Variants in XKR4 observed in about 807,000 individuals in gnomAD.
XKR4 encodes XK-related protein 4.
In XKR4, 12 loss-of-function variants were observed where a neutral mutation model predicts 53.9. The ratio of observed to expected loss-of-function variants is 0.22; its 90% CI spans 0.14 to 0.36. The LOEUF (loss-of-function observed/expected upper bound fraction) is 0.36. XKR4 is among the 10% of genes least tolerant of loss of function. XKR4 has a pLI of 1.00. For missense variants in XKR4, 799 were observed against 859.5 expected, an observed-to-expected ratio of 0.93 and a Z score of 0.88; for synonymous variants, 354 against 362.4, an observed-to-expected ratio of 0.98 and a Z score of 0.26.
rs1168970044 is a variant in XKR4, at chr8:55,529,997, G to A, written c.*5770G>A. ...AGTGATAAATATAAATTAACCTGAT[G>A]CCATGTCTCTTGTATTTTATATGTG... On this transcript the variant is annotated 3_prime_UTR_variant, in exon 3 of 3. Transcript: ENST00000327381. 1 of 152,068 alleles carries A rather than the reference G, an allele frequency of 6.6e-6. No individual in the cohort carries two copies. Among genetic ancestry groups the A allele is most frequent in the African/African-American group, 2.4e-5 (1 of 41,390 alleles). 9.4% of individuals were successfully genotyped at this position (152,068 alleles called of 1,614,324 possible). A position where few individuals can be genotyped will look rare whatever the true frequency, so the allele number is the denominator to read the frequency against.
intron 1 of XKR4, among the ~76,000 whole-genome samples, chr8:55,141,006 T>C (rs1264414230): frequency 6.6e-6 from 1 of 152,174 alleles, no homozygotes; most frequent in Non-Finnish European, 1.5e-5. Flanking sequence ...ATTTAAAGTG[T>C]ACATTTCAGT....
At chr8:55,317,617 C>A (rs1803111144) in intron 1 of XKR4, among the ~76,000 whole-genome samples, 1 of 152,156 alleles carries the variant, frequency 6.6e-6, no homozygotes, top group African/African-American at 2.4e-5. Flanking sequence ...AGCCTTCCAG[C>A]CAGTTGTCAT....
chr8:55,308,122 ATGTGCC>A (rs1169186644), intron 1 of XKR4, among the ~76,000 whole-genome samples: 1 of 151,986 alleles, frequency 6.6e-6, no homozygotes, highest in African/African-American at 2.4e-5. Flanking sequence ...GCATGGTGGC[ATGTGCC>A]TGTAGTCCCA....
At chr8:55,177,513 G>C (rs1170053524) in intron 1 of XKR4, among the ~76,000 whole-genome samples, 1 of 152,106 alleles carries the variant, frequency 6.6e-6, no homozygotes, top group Non-Finnish European at 1.5e-5. Context: ...CTCTTCATAG[G>C]GCTGACCCAT....
At chr8:55,239,639 A>G (rs955041961) in intron 1 of XKR4, among the ~76,000 whole-genome samples, 35 of 152,184 alleles carry the variant, frequency 2.3e-4, no homozygotes, top group African/African-American at 8.4e-4. Context: ...TCTGCCCTGT[A>G]ACTGTTCTCA....
chr8:55,291,879 T>TTTTTTAAAATACC (rs1324860459), intron 1 of XKR4, among the ~76,000 whole-genome samples: 1 of 152,166 alleles, frequency 6.6e-6, no homozygotes, highest in African/African-American at 2.4e-5. Flanking sequence ...TTCTGAGGTA[T>TTTTTTAAAATACC]TTTTTAAAAT....
In XKR4 at chr8:55,535,410, T is replaced by C. The variant is rs1361176076; in HGVS notation, c.*11183T>C. ...CCCCACAACACTCCCCGGTGTGTGATGTTCCCCTTCCTGTGCACGTGACTT... is the reference window on the plus strand; with the variant it reads ...CCCCACAACACTCCCCGGTGTGTGACGTTCCCCTTCCTGTGCACGTGACTT... On this transcript the variant is annotated 3_prime_UTR_variant, in exon 3 of 3. Coordinates refer to ENST00000327381, the MANE Select transcript of XKR4 (RefSeq NM_052898.2). The C allele has an allele frequency of 3.3e-4, 41 of 124,556 alleles. No individual in the cohort carries two copies. Among genetic ancestry groups the C allele is most frequent in the African/African-American group, 1.2e-3 (39 of 32,764 alleles). 7.7% of individuals were successfully genotyped at this position (124,556 alleles called of 1,614,324 possible).
intron 2 of XKR4, among the ~76,000 whole-genome samples, chr8:55,443,040 C>T (rs1278856404): frequency 6.6e-6 from 1 of 152,140 alleles, no homozygotes; most frequent in East Asian, 1.9e-4. Context: ...AAAAAGACAT[C>T]AGTCTCATTT....
At chr8:55,439,718 G>C (rs983044594) in intron 2 of XKR4, among the ~76,000 whole-genome samples, 1 of 152,124 alleles carries the variant, frequency 6.6e-6, no homozygotes, top group African/African-American at 2.4e-5. Context: ...AAAATACATA[G>C]ATGATAGAGT....
chr8:55,466,133 C>G (rs1805764506), intron 2 of XKR4, among the ~76,000 whole-genome samples: 3 of 152,136 alleles, frequency 2.0e-5, no homozygotes, highest in South Asian at 2.1e-4. Context: ...CATCTCATTA[C>G]TGGGTATATA....
intron 1 of XKR4, among the ~76,000 whole-genome samples, chr8:55,335,890 C>G (rs138857639): frequency 6.6e-6 from 1 of 151,856 alleles, no homozygotes; most frequent in Admixed American, 6.6e-5. Context: ...TGATGGAAAA[C>G]AGATCTGTGG....
At chr8:55,492,775 C>T (rs943198055) in intron 2 of XKR4, among the ~76,000 whole-genome samples, 7 of 152,188 alleles carry the variant, frequency 4.6e-5, no homozygotes, top group Admixed American at 1.3e-4. Context: ...CCTTTAAATT[C>T]CATGGAATCC....
At chr8:55,451,450 T>C in intron 2 of XKR4, 2 of 1,233,648 alleles carry the variant, frequency 1.6e-6, no homozygotes, top group East Asian at 2.5e-5. Flanking sequence ...AGCCTGCAGG[T>C]ACTTCTCCTG....
At chr8:55,212,165 T>A (rs1293469111) in intron 1 of XKR4, among the ~76,000 whole-genome samples, 2 of 151,762 alleles carry the variant, frequency 1.3e-5, no homozygotes, top group Non-Finnish European at 2.9e-5. Flanking sequence ...AGGTTCTTAT[T>A]ATGCAGATGA....
intron 1 of XKR4, among the ~76,000 whole-genome samples, chr8:55,151,809 C>A (rs1306554232): frequency 6.6e-6 from 1 of 152,136 alleles, no homozygotes; most frequent in East Asian, 1.9e-4. Context: ...AAATAGTTAT[C>A]AAAAACATTA....
intron 1 of XKR4, among the ~76,000 whole-genome samples, chr8:55,285,390 G>A (rs1239780528): frequency 6.6e-6 from 1 of 151,922 alleles, no homozygotes; most frequent in Non-Finnish European, 1.5e-5. Context: ...GAGATGAATG[G>A]GAAAAATAAA....
chr8:55,310,637 T>G (rs1819375882), intron 1 of XKR4, among the ~76,000 whole-genome samples: 1 of 152,168 alleles, frequency 6.6e-6, no homozygotes, highest in Non-Finnish European at 1.5e-5. Context: ...TGAGTAAGTT[T>G]GGACAAGTCA....
chr8:55,308,798 C>T (rs1819347700), intron 1 of XKR4, among the ~76,000 whole-genome samples: 1 of 152,110 alleles, frequency 6.6e-6, no homozygotes, highest in Non-Finnish European at 1.5e-5. Flanking sequence ...CAAAGATGTC[C>T]ACATCATGAT....
chr8:55,291,987 A>G (rs909448790), intron 1 of XKR4, among the ~76,000 whole-genome samples: 2 of 152,128 alleles, frequency 1.3e-5, no homozygotes, highest in Non-Finnish European at 2.9e-5. Flanking sequence ...GATTACATTG[A>G]TTTTCAAATA....
Sources: allele counts gnomAD v4.1 joint callset (sites outside exome capture counted in the v4.1 genomes callset), GRCh38; gene constraint gnomAD v4.1.1; transcripts MANE v1.5; gene names NCBI Gene and HGNC (gene_info 2026-07-23, HGNC 2026-07-21).